The following TPRG1 variants were observed in gnomAD, a reference collection of about 807,000 sequenced individuals.
TPRG1 encodes the protein tumor protein p63-regulated gene 1 protein.
TPRG1 carries 29 observed loss-of-function variants against 29.3 expected under a neutral mutation model. That is an observed-to-expected ratio of 0.99 (90% CI 0.74 to 1.35). TPRG1 has a LOEUF of 1.35. TPRG1 is among the 40% of genes most tolerant of loss of function. TPRG1 has a pLI of 0.00. For missense variants in TPRG1, 327 were observed against 335.0 expected, an observed-to-expected ratio of 0.98 and a Z score of 0.19; for synonymous variants, 130 against 116.8, an observed-to-expected ratio of 1.11 and a Z score of -0.73.
intron 1 of TPRG1, chr3:189,120,282 C>T (rs540277862): frequency 2.0e-5 from 3 of 152,190 alleles, no homozygotes; most frequent in South Asian, 2.1e-4. Flanking sequence ...TGACTAGAAC[C>T]GCCACCACTG....
rs927314283 is a variant in TPRG1 at position 189,201,121 on chromosome 3, T to C, written c.-9-6255T>C. ...ATGTGCTGGTGCCTTGATCTTGGAT[T>C]AACCAGACTCCAGAACTGAGAGAAA... On this transcript the variant is annotated intron_variant, in intron 1 of 5. Coordinates refer to ENST00000345063, the MANE Select transcript of TPRG1 (RefSeq NM_198485.4). 3.3e-5 allele frequency among the ~76,000 whole-genome samples: 5 copies of C among 152,326 alleles called. No homozygotes were observed. In the East Asian group the frequency reaches 9.6e-4, roughly 29 times the overall value.
intron 4 of TPRG1, among the ~76,000 whole-genome samples, chr3:189,087,658 T>G (rs1053729894): frequency 8.5e-5 from 13 of 152,242 alleles, no homozygotes; most frequent in Non-Finnish European, 1.5e-4. Flanking sequence ...TTTAAGTCTT[T>G]AATCCATCTT....
At chr3:189,151,151 T>C (rs1038216632) in intron 5 of TPRG1, 2 of 152,240 alleles carry the variant, frequency 1.3e-5, no homozygotes, top group African/African-American at 4.8e-5. Flanking sequence ...CTTCCAAAGA[T>C]GTTTGTGGAA....
intron 3 of TPRG1, chr3:189,004,805 T>A (rs993821101): frequency 6.6e-6 from 1 of 152,158 alleles, no homozygotes; most frequent in African/African-American, 2.4e-5. Flanking sequence ...GGATTTAACC[T>A]CAGAAGCTTT....
At chr3:189,019,048 A>G (rs1031416386) in intron 3 of TPRG1, among the ~76,000 whole-genome samples, 1 of 152,008 alleles carries the variant, frequency 6.6e-6, no homozygotes, top group African/African-American at 2.4e-5. Context: ...TTGTTGGTGT[A>G]TAAGAATGCT....
intron 4 of TPRG1, among the ~76,000 whole-genome samples, chr3:189,253,343 A>T (rs1742578704): frequency 6.6e-6 from 1 of 152,038 alleles, no homozygotes; most frequent in Non-Finnish European, 1.5e-5. Flanking sequence ...ACTCCCACTT[A>T]TGTGGTGTTT....
intron 3 of TPRG1, among the ~76,000 whole-genome samples, chr3:189,216,390 A>G (rs1032098969): frequency 6.6e-6 from 1 of 152,202 alleles, no homozygotes; most frequent in East Asian, 1.9e-4. Context: ...CAAATTTTTC[A>G]ATCAATGGAA....
chr3:189,300,627 T>C (rs1024466032), intron 4 of TPRG1, among the ~76,000 whole-genome samples: 7 of 152,208 alleles, frequency 4.6e-5, no homozygotes, highest in African/African-American at 1.7e-4. Flanking sequence ...TTTGCTTTGC[T>C]GTTTGTAGGA....
chr3:189,289,180 T>G (rs568504369), intron 4 of TPRG1, among the ~76,000 whole-genome samples: 6 of 152,312 alleles, frequency 3.9e-5, no homozygotes, highest in African/African-American at 1.2e-4. Context: ...CTTTCCCCTA[T>G]ATCTTGCTTC....
At chr3:189,295,749 A>G (rs1202321599) in intron 4 of TPRG1, among the ~76,000 whole-genome samples, 1 of 152,146 alleles carries the variant, frequency 6.6e-6, no homozygotes, top group African/African-American at 2.4e-5. Context: ...TGCAGGATTA[A>G]TTAAAGACCG....
At chr3:189,017,800 GC>G in intron 3 of TPRG1, among the ~76,000 whole-genome samples, 1 of 152,248 alleles carries the variant, frequency 6.6e-6, no homozygotes, top group East Asian at 1.9e-4. Context: ...CTGAGGAATC[GC>G]CACACTGACT....
At chr3:189,078,008 TTTCCTTCCTTCCTTCCTTCCTTCC>T (rs773510018) in intron 4 of TPRG1, among the ~76,000 whole-genome samples, 2 of 98,860 alleles carry the variant, frequency 2.0e-5, no homozygotes, top group African/African-American at 4.7e-5. Context: ...CTAAAAACCT[TTTCCTTCCTTCCTTCCTTCCTTCC>T]TTCCTTCCTT....
At chr3:189,270,524 C>G (rs1018719927) in intron 4 of TPRG1, among the ~76,000 whole-genome samples, 1 of 152,184 alleles carries the variant, frequency 6.6e-6, no homozygotes, top group African/African-American at 2.4e-5. Context: ...GAGCCCAGGT[C>G]CCCACGCCAG....
At chr3:189,042,249 G>T (rs1578231927) in intron 4 of TPRG1, among the ~76,000 whole-genome samples, 2 of 152,066 alleles carry the variant, frequency 1.3e-5, no homozygotes, top group Admixed American at 6.5e-5. Flanking sequence ...GTCCTTTTTT[G>T]AACTATCAAG....
At chr3:189,190,676 A>G (rs917818972) in intron 1 of TPRG1, among the ~76,000 whole-genome samples, 1 of 152,168 alleles carries the variant, frequency 6.6e-6, no homozygotes, top group Non-Finnish European at 1.5e-5. Flanking sequence ...TTTTTCATTT[A>G]ATCTTCACAA....
At chr3:189,086,741 C>T (rs55907994) in intron 4 of TPRG1, among the ~76,000 whole-genome samples, 7,947 of 152,170 alleles carry the variant, frequency 0.052, 335 homozygotes, top group Non-Finnish European at 0.079. Flanking sequence ...GTTGGTCAGG[C>T]TGGTCGAACT....
At chr3:189,057,551 CT>C (rs1443501789) in intron 4 of TPRG1, among the ~76,000 whole-genome samples, 1 of 149,682 alleles carries the variant, frequency 6.7e-6, no homozygotes, top group Non-Finnish European at 1.5e-5. Context: ...AACCCCATCA[CT>C]TTCTAAAAAT....
At chr3:189,247,176 A>C (rs1001137571) in intron 4 of TPRG1, among the ~76,000 whole-genome samples, 3 of 151,952 alleles carry the variant, frequency 2.0e-5, no homozygotes, top group African/African-American at 7.2e-5. Context: ...ACTTATCTTC[A>C]AATTGGATAA....
At chr3:189,256,415 G>A (rs1343548884) in intron 4 of TPRG1, among the ~76,000 whole-genome samples, 1 of 152,122 alleles carries the variant, frequency 6.6e-6, no homozygotes, top group East Asian at 1.9e-4. Context: ...GAGGAGTGTT[G>A]TTTTTCCAGC....
Sources: gnomAD v4.1 joint callset for allele counts (sites outside exome capture counted in the v4.1 genomes callset) on GRCh38, gnomAD v4.1.1 for gene constraint, MANE v1.5 for transcripts, NCBI Gene and HGNC (gene_info 2026-07-23, HGNC 2026-07-21) for gene names.